CHCHD6: variants seen among roughly 807,000 people sequenced by gnomAD.
The protein encoded by CHCHD6 is coiled-coil-helix-coiled-coil-helix domain containing 6, also known as MICOS complex subunit MIC25.
CHCHD6 carries 28 observed loss-of-function variants against 32.3 expected under a neutral mutation model. The ratio of observed to expected loss-of-function variants is 0.87; its 90% CI spans 0.64 to 1.19. The LOEUF (loss-of-function observed/expected upper bound fraction) is 1.19, where lower values mean the gene tolerates loss of function less well. CHCHD6 is among the 50% of genes most tolerant of loss of function. The pLI is 0.00. For synonymous variants in CHCHD6, 122 were observed against 117.5 expected (o/e 1.04, Z -0.25); for missense variants, 333 against 307.0 (o/e 1.08, Z -0.63).
intron 4 of CHCHD6, among the ~76,000 whole-genome samples, chr3:126,834,053 CAAAAAAA>C (rs55790919): frequency 2.7e-4 from 12 of 44,460 alleles, no homozygotes; most frequent in East Asian, 7.8e-4. Context: ...GACTCCGTCT[CAAAAAAA>C]AAAAAAAAAA....
rs1157910763 is a variant in CHCHD6 at position 126,714,076 on chromosome 3, CAAAAAAAAAAAAAA to C, written c.87+9691_87+9704del. Among the ~76,000 whole-genome samples the C allele has an allele frequency of 3.1e-4, 9 of 28,882 alleles. No homozygotes were observed. The South Asian group carries it at 6.0e-3, about 19-fold the overall frequency. The allele number at this position is 28,882 out of a possible 152,430, so 18.9% of individuals were successfully genotyped here. On this transcript the variant is annotated intron_variant, in intron 1 of 7. Coordinates refer to ENST00000290913, the MANE Select transcript of CHCHD6 (RefSeq NM_032343.3). ...TGGGCGACAGAGCCAGACTGCATCT[CAAAAAAAAAAAAAA>C]AAAAAAAAAAAAAGTTGGGAGGCTT...
At chr3:126,937,784 A>T (rs1168939456) in intron 6 of CHCHD6, among the ~76,000 whole-genome samples, 2 of 152,066 alleles carry the variant, frequency 1.3e-5, no homozygotes, top group African/African-American at 4.8e-5. Flanking sequence ...ATTGGTAAGA[A>T]TCTGAGCAGA....
rs553974338 is a variant in CHCHD6, at chr3:126,818,856, G to A, written c.412-33791G>A. 2.0e-5 allele frequency among the ~76,000 whole-genome samples: 3 copies of A among 152,356 alleles called. No individual in the cohort carries two copies. The South Asian group carries it at 6.2e-4, about 32-fold the overall frequency. ...TGGGTTTAAAGCAGGCCTGATGTGAGCAGCTGACTGGGACAGCGGCTGGTG... is the reference window on the plus strand; with the variant it reads ...TGGGTTTAAAGCAGGCCTGATGTGAACAGCTGACTGGGACAGCGGCTGGTG... On this transcript the variant is annotated intron_variant, in intron 4 of 7. Coordinates refer to ENST00000290913, the MANE Select transcript of CHCHD6 (RefSeq NM_032343.3).
intron 6 of CHCHD6, chr3:126,953,019 C>A (rs1396199158): frequency 4.1e-6 from 4 of 985,364 alleles, no homozygotes; most frequent in Non-Finnish European, 4.8e-6. Context: ...CCAATGATTC[C>A]TTCAGGGCCA....
chr3:126,911,861 G>C (rs1298136148), intron 5 of CHCHD6, among the ~76,000 whole-genome samples: 2 of 152,202 alleles, frequency 1.3e-5, no homozygotes, highest in African/African-American at 4.8e-5. Context: ...ACAGGTGCCT[G>C]GGCCTGCAGG....
rs144335477 is a variant in CHCHD6 at position 126,921,904 on chromosome 3, G to A, written c.566+7154G>A. Reference sequence around the variant, plus strand: ...ATGACAGATGACCTATTAAAACAGTGGTCATTTATTTAAACCCCAAAGAAA... The same window carrying A: ...ATGACAGATGACCTATTAAAACAGTAGTCATTTATTTAAACCCCAAAGAAA... On this transcript the variant is annotated intron_variant, in intron 6 of 7. Coordinates refer to ENST00000290913, the MANE Select transcript of CHCHD6 (RefSeq NM_032343.3). 2.8e-3 allele frequency among the ~76,000 whole-genome samples: 421 copies of A among 152,208 alleles called. 2 individuals are homozygous for A. The highest frequency in any genetic ancestry group is 9.5e-3 in the African/African-American group (393 of 41,538).
In CHCHD6 at chr3:126,802,890, A is replaced by G. The variant is rs549189400; in HGVS notation, c.412-49757A>G. Among the ~76,000 whole-genome samples the G allele has an allele frequency of 5.2e-4, 79 of 152,298 alleles. No individual in the cohort carries two copies. The South Asian group carries it at 0.012, about 23-fold the overall frequency. ...CTCAGCAGAAACTCTACAAGCCAGA[A>G]GAGAGTGGGGGCCGATATTCAACAT... On this transcript the variant is annotated intron_variant, in intron 4 of 7. Coordinates refer to ENST00000290913, the MANE Select transcript of CHCHD6 (RefSeq NM_032343.3).
In CHCHD6 at chr3:126,704,370, G is replaced by A. The variant is rs774457222; in HGVS notation, c.58G>A (p.Glu20Lys). 2 of 1,580,706 alleles carry A rather than the reference G, an allele frequency of 1.3e-6. No individual in the cohort carries two copies. The highest frequency in any genetic ancestry group is 1.7e-6 in the Non-Finnish European group (2 of 1,164,654). ...GGTGTCCTTCGGAGTGGACGAGGAGGAGCGGGTCCGGGTGCTGCAGGGTGT... is the reference window on the plus strand; with the variant it reads ...GGTGTCCTTCGGAGTGGACGAGGAGAAGCGGGTCCGGGTGCTGCAGGGTGT... ...RRVSFGVDEE[E>K]RVRVLQGVRL... Residue 20 changes from glutamate (E) to lysine (K), a missense_variant, in exon 1 of 8, where the codon GAG (glutamate) becomes AAG (lysine). Physicochemically the swap from Glu to Lys is moderately conservative, Grantham distance 56. Transcript: ENST00000290913.
chr3:126,900,284 A>G (rs773870366), intron 5 of CHCHD6, among the ~76,000 whole-genome samples: 56 of 152,310 alleles, frequency 3.7e-4, no homozygotes, highest in African/African-American at 1.2e-3. Context: ...CCTGGCATGT[A>G]TCGCCTGTCA....
At chr3:126,900,731 A>C (rs2077913272) in intron 5 of CHCHD6, among the ~76,000 whole-genome samples, 1 of 151,492 alleles carries the variant, frequency 6.6e-6, no homozygotes, top group African/African-American at 2.4e-5. Flanking sequence ...CAGCCTCCCA[A>C]GTAGCTGGGA....
chr3:126,808,468 G>C (rs1939513693), intron 4 of CHCHD6, among the ~76,000 whole-genome samples: 1 of 151,840 alleles, frequency 6.6e-6, no homozygotes, highest in Admixed American at 6.6e-5. Context: ...TTATGGGAAG[G>C]AACTTCAAAA....
At chr3:126,915,530 TACC>T (rs1418695621) in intron 6 of CHCHD6, among the ~76,000 whole-genome samples, 2 of 152,214 alleles carry the variant, frequency 1.3e-5, no homozygotes, top group Non-Finnish European at 1.5e-5. Flanking sequence ...GCCAAGGGGC[TACC>T]ACCAACTCCA....
chr3:126,956,664 T>C (rs2078789812), intron 6 of CHCHD6, among the ~76,000 whole-genome samples: 1 of 151,962 alleles, frequency 6.6e-6, no homozygotes, highest in African/African-American at 2.4e-5. Flanking sequence ...AAAATTACGC[T>C]CAGGAGGCTG....
chr3:126,708,900 G>A (rs577444042), intron 1 of CHCHD6, among the ~76,000 whole-genome samples: 51 of 152,234 alleles, frequency 3.4e-4, no homozygotes, highest in African/African-American at 1.2e-3. Context: ...ACATTTCGTA[G>A]ATAGTCCCCT....
chr3:126,917,699 C>T (rs1432497563), intron 6 of CHCHD6, among the ~76,000 whole-genome samples: 9 of 152,240 alleles, frequency 5.9e-5, no homozygotes, highest in South Asian at 2.1e-4. Flanking sequence ...CCCAATGTGA[C>T]GATATTAGGA....
At chr3:126,946,758 G>A (rs1007207221) in intron 6 of CHCHD6, among the ~76,000 whole-genome samples, 2 of 152,222 alleles carry the variant, frequency 1.3e-5, no homozygotes, top group African/African-American at 4.8e-5. Context: ...CTCCTGAACA[G>A]CTAGATTGGA....
At chr3:126,851,944 T>G (rs1435918491) in intron 4 of CHCHD6, among the ~76,000 whole-genome samples, 2 of 152,220 alleles carry the variant, frequency 1.3e-5, no homozygotes, top group African/African-American at 2.4e-5. Context: ...CAGCCTCAGG[T>G]TGCTTGCCCT....
chr3:126,887,715 G>A (rs1448657147), intron 5 of CHCHD6, among the ~76,000 whole-genome samples: 1 of 152,172 alleles, frequency 6.6e-6, no homozygotes, highest in African/African-American at 2.4e-5. Flanking sequence ...GCTTCCCGGT[G>A]GCCTCCCGGA....
intron 6 of CHCHD6, among the ~76,000 whole-genome samples, chr3:126,916,450 C>T (rs2078172869): frequency 6.6e-6 from 1 of 151,134 alleles, no homozygotes; most frequent in African/African-American, 2.4e-5. Context: ...TCAAGTCCTA[C>T]AGCAATACTA....
Sources: allele counts gnomAD v4.1 joint callset (sites outside exome capture counted in the v4.1 genomes callset), GRCh38; gene constraint gnomAD v4.1.1; transcripts MANE v1.5; gene names NCBI Gene and HGNC (gene_info 2026-07-23, HGNC 2026-07-21).